Variants in MLLT3 observed in about 807,000 individuals in gnomAD.
MLLT3 encodes the protein MLLT3 super elongation complex subunit.
In MLLT3, 4 loss-of-function variants were observed where a neutral mutation model predicts 53.2. That is an observed-to-expected ratio of 0.08 (90% CI 0.04 to 0.17). The LOEUF (loss-of-function observed/expected upper bound fraction) is 0.17, where lower values mean the gene tolerates loss of function less well. Among genes scored for constraint, MLLT3 ranks in the 10% least tolerant of loss-of-function variants. The pLI is 1.00. For missense variants in MLLT3, 569 were observed against 684.0 expected (o/e 0.83, Z 1.87); for synonymous variants, 283 against 230.6 (o/e 1.23, Z -2.06).
At chr9:20,391,619 A>C (rs956193607) in intron 5 of MLLT3, among the ~76,000 whole-genome samples, 1 of 152,208 alleles carries the variant, frequency 6.6e-6, no homozygotes, top group Admixed American at 6.5e-5. Flanking sequence ...ATGAGAAAAT[A>C]TGCCAGCCTA....
At chr9:20,356,987 C>T (rs1358460720) in intron 8 of MLLT3, among the ~76,000 whole-genome samples, 1 of 152,192 alleles carries the variant, frequency 6.6e-6, no homozygotes, top group Non-Finnish European at 1.5e-5. Context: ...AAATAAACAG[C>T]TTTGTCAAAA....
intron 2 of MLLT3, among the ~76,000 whole-genome samples, chr9:20,590,690 A>T (rs921745062): frequency 3.3e-5 from 5 of 152,176 alleles, no homozygotes; most frequent in Non-Finnish European, 7.3e-5. Flanking sequence ...ACCCAGTCTC[A>T]GGCAGTTCTT....
At chr9:20,601,081 T>C (rs1210716633) in intron 2 of MLLT3, among the ~76,000 whole-genome samples, 2 of 152,202 alleles carry the variant, frequency 1.3e-5, no homozygotes, top group Non-Finnish European at 2.9e-5. Context: ...CTCTAGGGGC[T>C]GGGGTTTGGA....
chr9:20,374,543 T>C (rs560709359), intron 5 of MLLT3, among the ~76,000 whole-genome samples: 1 of 152,318 alleles, frequency 6.6e-6, no homozygotes, highest in African/African-American at 2.4e-5. Context: ...TATTGAAAAG[T>C]GATAAAACAA....
chr9:20,465,396 C>G (rs1824210628), intron 2 of MLLT3, among the ~76,000 whole-genome samples: 1 of 152,068 alleles, frequency 6.6e-6, no homozygotes, highest in South Asian at 2.1e-4. Context: ...ATACGCTACA[C>G]CCATATTCTC....
intron 4 of MLLT3, among the ~76,000 whole-genome samples, chr9:20,422,676 AT>A (rs1410547172): frequency 2.6e-5 from 4 of 152,208 alleles, no homozygotes; most frequent in Non-Finnish European, 5.9e-5. Context: ...TCTGACAATT[AT>A]TTATTAGGAA....
chr9:20,614,659 T>C (rs934976417), intron 2 of MLLT3, among the ~76,000 whole-genome samples: 4 of 152,162 alleles, frequency 2.6e-5, no homozygotes, highest in Non-Finnish European at 4.4e-5. Context: ...AAACATTTCA[T>C]TTGTTTAAAA....
In MLLT3 at chr9:20,620,571, G is replaced by C; in HGVS notation, c.193+83C>G. 8.1e-7 allele frequency: 1 copy of C among 1,241,058 alleles called. No homozygotes were observed. The highest frequency in any genetic ancestry group is 1.1e-6 in the Non-Finnish European group (1 of 935,220). 76.9% of individuals were successfully genotyped at this position (1,241,058 alleles called of 1,614,324 possible). ...CCGGCGAGCGCGGCGCGGGGGGCGGGGAGCGGGACAGCGGGACCGCCCGGG... is the reference window on the plus strand; with the variant it reads ...CCGGCGAGCGCGGCGCGGGGGGCGGCGAGCGGGACAGCGGGACCGCCCGGG... On this transcript the variant is annotated intron_variant, in intron 2 of 10. Coordinates refer to ENST00000380338, the MANE Select transcript of MLLT3 (RefSeq NM_004529.4). This position sits in a 1 kb window ranked among gnomAD's most constrained non-coding sequence, Gnocchi z 6.1.
intron 2 of MLLT3, among the ~76,000 whole-genome samples, chr9:20,484,747 T>C (rs1824762803): frequency 6.6e-6 from 1 of 152,182 alleles, no homozygotes; most frequent in Non-Finnish European, 1.5e-5. Context: ...CCCAAGACAG[T>C]ACCAGTGCCT....
chr9:20,485,284 C>T (rs561147093), intron 2 of MLLT3, among the ~76,000 whole-genome samples: 3 of 152,232 alleles, frequency 2.0e-5, no homozygotes, highest in South Asian at 2.1e-4. Context: ...CCACCATGCC[C>T]GGCCAATTAT....
At chr9:20,579,567 C>A (rs1024386320) in intron 2 of MLLT3, among the ~76,000 whole-genome samples, 2 of 151,924 alleles carry the variant, frequency 1.3e-5, no homozygotes, top group African/African-American at 4.8e-5. Context: ...AATTCTGACG[C>A]ATGAATAAAA....
intron 2 of MLLT3, among the ~76,000 whole-genome samples, chr9:20,562,107 G>A (rs1273951624): frequency 6.6e-6 from 1 of 151,890 alleles, no homozygotes; most frequent in Non-Finnish European, 1.5e-5. Flanking sequence ...TTATACTGAG[G>A]AGATATATAA....
At chr9:20,497,110 G>T (rs1825096929) in intron 2 of MLLT3, among the ~76,000 whole-genome samples, 1 of 152,144 alleles carries the variant, frequency 6.6e-6, no homozygotes, top group Non-Finnish European at 1.5e-5. Context: ...GATTTAAATG[G>T]TTTCTTGTCA....
At position 20,342,016 on chromosome 9, in the gene MLLT3, G is replaced by A. The variant is rs1820747739; in HGVS notation, c.*4427C>T. ...AAAATGAATGAGGCATGGACTCTCT[G>A]CCTTCAGCTGGTTTTGGACACATTG... On this transcript the variant is annotated 3_prime_UTR_variant, in exon 11 of 11. Coordinates refer to ENST00000380338, the MANE Select transcript of MLLT3 (RefSeq NM_004529.4). 1 of 204,790 alleles carries A rather than the reference G, an allele frequency of 4.9e-6. No individual in the cohort carries two copies. Among genetic ancestry groups the A allele is most frequent in the Non-Finnish European group, 1.0e-5 (1 of 99,964 alleles). 12.7% of individuals were successfully genotyped at this position (204,790 alleles called of 1,614,324 possible).
intron 4 of MLLT3, 94 bp from the exon 5 acceptor site, chr9:20,414,519 T>C: frequency 4.5e-6 from 7 of 1,545,158 alleles, no homozygotes; most frequent in Non-Finnish European, 6.1e-6. Flanking sequence ...CTTTGATTCC[T>C]CTCAAGCTAT....
At chr9:20,588,114 C>A (rs1473535733) in intron 2 of MLLT3, among the ~76,000 whole-genome samples, 1 of 152,112 alleles carries the variant, frequency 6.6e-6, no homozygotes, top group African/African-American at 2.4e-5. Context: ...TTCCCCATTG[C>A]TTGTTTTTCT....
At chr9:20,451,993 A>G (rs1823849957) in intron 3 of MLLT3, among the ~76,000 whole-genome samples, 1 of 152,148 alleles carries the variant, frequency 6.6e-6, no homozygotes, top group African/African-American at 2.4e-5. Context: ...ACCCCTCTTG[A>G]CCCTGACAGC....
chr9:20,464,638 T>C (rs1435188442), intron 2 of MLLT3, among the ~76,000 whole-genome samples: 1 of 152,108 alleles, frequency 6.6e-6, no homozygotes, highest in East Asian at 1.9e-4. Context: ...AAGTGGCATT[T>C]AAGTTGAGAC....
intron 6 of MLLT3, among the ~76,000 whole-genome samples, chr9:20,363,923 T>C (rs1821386469): frequency 6.6e-6 from 1 of 152,174 alleles, no homozygotes; most frequent in Non-Finnish European, 1.5e-5. Context: ...AAATTGAATG[T>C]TTTGTTAGGT....
Sources: allele counts gnomAD v4.1 joint callset (sites outside exome capture counted in the v4.1 genomes callset), GRCh38; gene constraint gnomAD v4.1.1; non-coding constraint Gnocchi (gnomAD v3.1); transcripts MANE v1.5; gene names NCBI Gene and HGNC (gene_info 2026-07-23, HGNC 2026-07-21).